The following RPA4 variants were observed in gnomAD, a reference collection of about 807,000 sequenced individuals.
RPA4 encodes replication protein A4.
For synonymous variants in RPA4, 88 were observed against 84.4 expected, an observed-to-expected ratio of 1.04 and a Z score of -0.23; for missense variants, 229 against 215.5, an observed-to-expected ratio of 1.06 and a Z score of -0.39.
At position 96,884,203 on chromosome X, in the gene RPA4, G is replaced by A. The variant is rs2065240825; in HGVS notation, c.-108G>A. ...TCAATCGTAGCCTTTCGGACAGCTC[G>A]AAGCCTTCTGTGGAGAGCTCGAAGC... On this transcript the variant is annotated 5_prime_UTR_variant, in exon 1 of 1. Transcript: ENST00000373040. The A allele has an allele frequency of 1.6e-6, 1 of 631,333 alleles. No homozygotes were observed. The highest frequency in any genetic ancestry group is 2.4e-6 in the Non-Finnish European group (1 of 419,790). 52.0% of individuals were successfully genotyped at this position (631,333 alleles called of 1,213,427 possible).
rs1323704868 is a variant in RPA4, at chrX:96,885,024, G to C, written c.714G>C (p.Ala238=). 4.1e-6 allele frequency: 5 copies of C among 1,208,809 alleles called. No individual in the cohort carries two copies. The African/African-American group carries it at 5.3e-5, about 13-fold the overall frequency. The part of the protein sequence containing the change: ...CDLSVKAIKE[A]IDYLTVEGHI... Reference sequence around the variant, plus strand: ...TTAGCGTCAAGGCCATCAAGGAAGCGATTGATTATCTGACCGTTGAGGGCC... The same window carrying C: ...TTAGCGTCAAGGCCATCAAGGAAGCCATTGATTATCTGACCGTTGAGGGCC... The change falls in exon 1 of 1, where the codon GCG becomes GCC. Residue 238 remains alanine (A), a synonymous_variant. Transcript: ENST00000373040.
rs2065251966 is a variant in RPA4, at chrX:96,885,237, G to T, written c.*141G>T. The T allele has an allele frequency of 2.0e-6, 1 of 510,345 alleles. No individual in the cohort carries two copies. The highest frequency in any genetic ancestry group is 3.2e-6 in the Non-Finnish European group (1 of 309,014). The allele number at this position is 510,345 out of a possible 1,213,427, so 42.1% of individuals were successfully genotyped here. ...TTGTCAACTCGCTGCTTTTCTAACT[G>T]CTTTGAACTTTTCGGATTTTCTGTA... On this transcript the variant is annotated 3_prime_UTR_variant, in exon 1 of 1. Coordinates refer to ENST00000373040, the MANE Select transcript of RPA4 (RefSeq NM_013347.4).
At position 96,884,621 on chromosome X, in the gene RPA4, C is replaced by A; in HGVS notation, c.311C>A (p.Ala104Asp). 8.3e-7 allele frequency: 1 copy of A among 1,210,001 alleles called. No homozygotes were observed. Among genetic ancestry groups the A allele is most frequent in the Non-Finnish European group, 1.1e-6 (1 of 894,814 alleles). Residue 104 changes from alanine to aspartate, a missense_variant, in exon 1 of 1, where the codon GCC becomes GAC. By Grantham distance (126) the Ala-to-Asp change is moderately radical (BLOSUM62 -2). Coordinates refer to ENST00000373040, the MANE Select transcript of RPA4 (RefSeq NM_013347.4). ...IDDMTAKPIEARQWFGREKVK... is the reference protein window; with the variant it reads ...IDDMTAKPIEDRQWFGREKVK... ...GATATGACCGCGAAACCAATCGAGG[C>A]CCGACAGTGGTTTGGTAGAGAGAAA...
Position 96,884,222 on chromosome X carries a change from T to C in RPA4, c.-89T>C. The C allele has an allele frequency of 1.3e-6, 1 of 783,275 alleles. No homozygotes were observed. Among genetic ancestry groups the C allele is most frequent in the Non-Finnish European group, 1.8e-6 (1 of 548,659 alleles). 64.6% of individuals were successfully genotyped at this position (783,275 alleles called of 1,213,427 possible). A position where few individuals can be genotyped will look rare whatever the true frequency, so the allele number is the denominator to read the frequency against. On this transcript the variant is annotated 5_prime_UTR_variant, in exon 1 of 1. Transcript: ENST00000373040. ...CAGCTCGAAGCCTTCTGTGGAGAGC[T>C]CGAAGCCTTCTGTGGAGAACTCAAA...
In RPA4 at chrX:96,884,250, C is replaced by A. The variant is rs2065241494; in HGVS notation, c.-61C>A. On this transcript the variant is annotated 5_prime_UTR_variant, in exon 1 of 1. Coordinates refer to ENST00000373040, the MANE Select transcript of RPA4 (RefSeq NM_013347.4). ...AAGCCTTCTGTGGAGAACTCAAAGCCGTCCGTGGAGCCCCAGACGAGCCAA... is the reference window on the plus strand; with the variant it reads ...AAGCCTTCTGTGGAGAACTCAAAGCAGTCCGTGGAGCCCCAGACGAGCCAA... 1.9e-6 allele frequency: 2 copies of A among 1,054,367 alleles called. No individual in the cohort carries two copies. Among genetic ancestry groups the A allele is most frequent in the Admixed American group, 5.2e-5 (2 of 38,593 alleles). 86.9% of individuals were successfully genotyped at this position (1,054,367 alleles called of 1,213,427 possible). A position where few individuals can be genotyped will look rare whatever the true frequency, so the allele number is the denominator to read the frequency against.
rs762302359 is a variant in RPA4 at position 96,884,614 on chromosome X, A to G, written c.304A>G (p.Ile102Val). Reference sequence around the variant, plus strand: ...AATTGATGATATGACCGCGAAACCAATCGAGGCCCGACAGTGGTTTGGTAG... The same window carrying G: ...AATTGATGATATGACCGCGAAACCAGTCGAGGCCCGACAGTGGTTTGGTAG... ...YKIDDMTAKP[I>V]EARQWFGREK... Residue 102 changes from isoleucine to valine, a missense_variant, in exon 1 of 1, where the codon ATC becomes GTC. Transcript: ENST00000373040. 24 of 1,207,514 alleles carry G rather than the reference A, an allele frequency of 2.0e-5. No homozygotes were observed. Among genetic ancestry groups the G allele is most frequent in the East Asian group, 1.8e-4 (6 of 33,666 alleles).
Position 96,884,780 on chromosome X carries a change from A to G in RPA4, c.470A>G (p.His157Arg), listed in dbSNP as rs773158242. 5.0e-6 allele frequency: 6 copies of G among 1,208,320 alleles called. No homozygotes were observed. The highest frequency in any genetic ancestry group is 3.5e-5 in the African/African-American group (2 of 56,735). ...GAGGACATGAACGAGTTCACCGTGC[A>G]TATTCTGGAAACGGTCAATGCACAC... ...VLEDMNEFTVHILETVNAHMM... is the reference protein window; with the variant it reads ...VLEDMNEFTVRILETVNAHMM... Residue 157 changes from histidine to arginine, a missense_variant, in exon 1 of 1, where the codon CAT becomes CGT. Physicochemically the swap from His to Arg is conservative, Grantham distance 29 (BLOSUM62 0). Coordinates refer to ENST00000373040, the MANE Select transcript of RPA4 (RefSeq NM_013347.4).
chrX:96,884,422 A>G lies in RPA4; in HGVS notation c.112A>G (p.Arg38Gly). Residue 38 changes from arginine (R) to glycine (G), a missense_variant, in exon 1 of 1, where the codon AGA becomes GGA. Arg to Gly is a moderately radical substitution (Grantham distance 125). Transcript: ENST00000373040. ...RDATPAIKTQ[R>G]PKVRIQDVVP... is the part of the protein sequence containing the mutation. ...TGCAACTCCTGCTATTAAGACCCAA[A>G]GACCTAAGGTCCGAATTCAGGACGT... The G allele has an allele frequency of 8.3e-7, 1 of 1,210,913 alleles. No homozygotes were observed. Among genetic ancestry groups the G allele is most frequent in the Non-Finnish European group, 1.1e-6 (1 of 895,131 alleles).
chrX:96,885,099 C>A lies in RPA4; in HGVS notation c.*3C>A. 8.4e-7 allele frequency: 1 copy of A among 1,195,371 alleles called. No individual in the cohort carries two copies. Among genetic ancestry groups the A allele is most frequent in the Non-Finnish European group, 1.1e-6 (1 of 883,843 alleles). ...AGCATTTTAAGTCTGCTGATTGAGG[C>A]AGGGAAAACATCCTTTCATTTTTCG... On this transcript the variant is annotated 3_prime_UTR_variant, in exon 1 of 1. Transcript: ENST00000373040.
Position 96,884,318 on chromosome X carries a change from A to G in RPA4, c.8A>G (p.Lys3Arg). 1 of 1,208,358 alleles carries G rather than the reference A, an allele frequency of 8.3e-7. No homozygotes were observed. Among genetic ancestry groups the G allele is most frequent in the Non-Finnish European group, 1.1e-6 (1 of 893,871 alleles). ...GCCTGAGCTGTCTTGAAGATGAGTA[A>G]GAGTGGGTTTGGGAGCTATGGCAGC... MS[K>R]SGFGSYGSIS... The change falls in exon 1 of 1, where the codon AAG becomes AGG. Residue 3 changes from lysine to arginine, a missense_variant. Coordinates refer to ENST00000373040, the MANE Select transcript of RPA4 (RefSeq NM_013347.4).
At position 96,884,752 on chromosome X, in the gene RPA4, C is replaced by T. The variant is rs775071657; in HGVS notation, c.442C>T (p.Leu148=). ...CCTTGAGGTATTGAAAATTCATGTC[C>T]TAGAGGACATGAACGAGTTCACCGT... ...KSLEVLKIHV[L]EDMNEFTVHI... Residue 148 remains leucine (L), a synonymous_variant, in exon 1 of 1, where the codon CTA becomes TTA. Transcript: ENST00000373040. 1 of 1,210,049 alleles carries T rather than the reference C, an allele frequency of 8.3e-7. No individual in the cohort carries two copies. Among genetic ancestry groups the T allele is most frequent in the Non-Finnish European group, 1.1e-6 (1 of 894,520 alleles).
In RPA4 at chrX:96,885,112, C is replaced by T. The variant is rs1306575495; in HGVS notation, c.*16C>T. On this transcript the variant is annotated 3_prime_UTR_variant, in exon 1 of 1. Coordinates refer to ENST00000373040, the MANE Select transcript of RPA4 (RefSeq NM_013347.4). ...TGCTGATTGAGGCAGGGAAAACATCCTTTCATTTTTCGAAGACCCTTGCAT... is the reference window on the plus strand; with the variant it reads ...TGCTGATTGAGGCAGGGAAAACATCTTTTCATTTTTCGAAGACCCTTGCAT... 4 of 1,185,396 alleles carry T rather than the reference C, an allele frequency of 3.4e-6. No homozygotes were observed. In the African/African-American group the frequency reaches 5.3e-5, roughly 16 times the overall value.
chrX:96,884,492 A>T lies in RPA4; in HGVS notation c.182A>T (p.Asp61Val). The T allele has an allele frequency of 8.3e-7, 1 of 1,210,900 alleles. No homozygotes were observed. The highest frequency in any genetic ancestry group is 1.7e-5 in the African/African-American group (1 of 57,566). ...VNQLLSSTVF[D>V]PVFKVRGIIV... ...CAGCTTCTCAGCTCTACTGTGTTTG[A>T]CCCTGTGTTCAAGGTTAGGGGAATT... Residue 61 changes from aspartate (D) to valine (V), a missense_variant, in exon 1 of 1, where the codon GAC becomes GTC. By Grantham distance (152) the Asp-to-Val change is radical. Coordinates refer to ENST00000373040, the MANE Select transcript of RPA4 (RefSeq NM_013347.4).
At position 96,885,402 on chromosome X, in the gene RPA4, T is replaced by G. The variant is rs1055286501; in HGVS notation, c.*306T>G. ...TATTATTTAATTGTGTTGGAGCTTC[T>G]TTTTCCAAAAGAAAAACTAGTTGCA... On this transcript the variant is annotated 3_prime_UTR_variant, in exon 1 of 1. Transcript: ENST00000373040. 1 of 159,328 alleles carries G rather than the reference T, an allele frequency of 6.3e-6. No individual in the cohort carries two copies. Among genetic ancestry groups the G allele is most frequent in the African/African-American group, 3.5e-5 (1 of 28,774 alleles). 13.1% of individuals were successfully genotyped at this position (159,328 alleles called of 1,213,427 possible). A position where few individuals can be genotyped will look rare whatever the true frequency, so the allele number is the denominator to read the frequency against.
chrX:96,884,543 G>A lies in RPA4; in HGVS notation c.233G>A (p.Gly78Glu), dbSNP rs2065244550. The part of the protein sequence containing the change: ...GIIVSQVSIV[G>E]VIRGAEKASN... ...ATAGTTTCCCAGGTCTCCATCGTGG[G>A]GGTAATCAGAGGGGCAGAGAAGGCT... The change falls in exon 1 of 1, where the codon GGG becomes GAG. Residue 78 changes from glycine (G) to glutamate (E), a missense_variant. Coordinates refer to ENST00000373040, the MANE Select transcript of RPA4 (RefSeq NM_013347.4). 5 of 1,211,069 alleles carry A rather than the reference G, an allele frequency of 4.1e-6. No homozygotes were observed. The highest frequency in any genetic ancestry group is 5.6e-6 in the Non-Finnish European group (5 of 895,259).
rs2065239232 is a variant in RPA4, at chrX:96,884,066, T to A, written c.-245T>A. 5.7e-6 allele frequency: 2 copies of A among 348,875 alleles called. No homozygotes were observed. The highest frequency in any genetic ancestry group is 1.0e-5 in the Non-Finnish European group (2 of 200,885). The allele number at this position is 348,875 out of a possible 1,213,427, so 28.8% of individuals were successfully genotyped here. A position where few individuals can be genotyped will look rare whatever the true frequency, so the allele number is the denominator to read the frequency against. On this transcript the variant is annotated 5_prime_UTR_variant, in exon 1 of 1. The change abolishes an upstream ATG in the 5' untranslated region. Coordinates refer to ENST00000373040, the MANE Select transcript of RPA4 (RefSeq NM_013347.4). ...ACCACTGACACACAGGGAAGGATTATGCGATCAGGTGAGAAGGTGGCCGAC... is the reference window on the plus strand; with the variant it reads ...ACCACTGACACACAGGGAAGGATTAAGCGATCAGGTGAGAAGGTGGCCGAC...
chrX:96,884,792 C>T lies in RPA4; in HGVS notation c.482C>T (p.Thr161Met), dbSNP rs766197285. 8 of 1,210,896 alleles carry T rather than the reference C, an allele frequency of 6.6e-6. No homozygotes were observed. Among genetic ancestry groups the T allele is most frequent in the Non-Finnish European group, 5.6e-6 (5 of 895,143 alleles). ...MNEFTVHILE[T>M]VNAHMMLDKA... ...GAGTTCACCGTGCATATTCTGGAAA[C>T]GGTCAATGCACACATGATGCTGGAT... is the stretch of plus-strand genomic sequence containing the variant. Residue 161 changes from threonine (T) to methionine (M), a missense_variant, in exon 1 of 1, where the codon ACG becomes ATG. By Grantham distance (81) the Thr-to-Met change is moderately conservative. Transcript: ENST00000373040.
In RPA4 at chrX:96,884,468, A is replaced by C; in HGVS notation, c.158A>C (p.Gln53Pro). Residue 53 changes from glutamine (Q) to proline (P), a missense_variant, in exon 1 of 1, where the codon CAG becomes CCG. Physicochemically the swap from Gln to Pro is moderately conservative, Grantham distance 76 (BLOSUM62 -1). Coordinates refer to ENST00000373040, the MANE Select transcript of RPA4 (RefSeq NM_013347.4). ...IQDVVPCNVNQLLSSTVFDPV... is the reference protein window; with the variant it reads ...IQDVVPCNVNPLLSSTVFDPV... The stretch of plus-strand genomic sequence containing the variant: ...GACGTTGTACCGTGTAATGTGAACC[A>C]GCTTCTCAGCTCTACTGTGTTTGAC... The C allele has an allele frequency of 8.3e-7, 1 of 1,211,583 alleles. No homozygotes were observed. Among genetic ancestry groups the C allele is most frequent in the Non-Finnish European group, 1.1e-6 (1 of 895,470 alleles).
Position 96,885,222 on chromosome X carries a change from G to A in RPA4, c.*126G>A. The A allele has an allele frequency of 5.4e-6, 3 of 557,999 alleles. No homozygotes were observed. Among genetic ancestry groups the A allele is most frequent in the Non-Finnish European group, 8.6e-6 (3 of 348,781 alleles). The allele number at this position is 557,999 out of a possible 1,213,427, so 46.0% of individuals were successfully genotyped here. A position where few individuals can be genotyped will look rare whatever the true frequency, so the allele number is the denominator to read the frequency against. ...CTCAAGTGGCATTCTTTGTCAACTC[G>A]CTGCTTTTCTAACTGCTTTGAACTT... On this transcript the variant is annotated 3_prime_UTR_variant, in exon 1 of 1. Coordinates refer to ENST00000373040, the MANE Select transcript of RPA4 (RefSeq NM_013347.4).
Sources: allele counts gnomAD v4.1 joint callset, GRCh38; gene constraint gnomAD v4.1.1; transcripts MANE v1.5; gene names NCBI Gene and HGNC (gene_info 2026-07-23, HGNC 2026-07-21).